The following PRKG1 variants were observed in gnomAD, a reference collection of about 807,000 sequenced individuals.
The protein encoded by PRKG1 is cGMP-dependent protein kinase 1.
A neutral mutation model predicts 88.1 loss-of-function variants in PRKG1; 35 were observed. The ratio of observed to expected loss-of-function variants is 0.40; its 90% CI spans 0.30 to 0.53. The LOEUF is 0.53. Among genes scored for constraint, PRKG1 ranks in the 20% least tolerant of loss-of-function variants. PRKG1 has a pLI of 0.59. For synonymous variants in PRKG1, 303 were observed against 292.5 expected (o/e 1.04, Z -0.37); for missense variants, 540 against 839.8 (o/e 0.64, Z 4.41).
chr10:52,090,495 G>A (rs1564464707), intron 7 of PRKG1, among the ~76,000 whole-genome samples: 1 of 150,086 alleles, frequency 6.7e-6, no homozygotes, highest in African/African-American at 2.5e-5. Flanking sequence ...ATTAATAAAT[G>A]TAGAAGAAAT....
chr10:51,781,383 T>C (rs761123496), intron 3 of PRKG1, among the ~76,000 whole-genome samples: 24 of 152,230 alleles, frequency 1.6e-4, no homozygotes, highest in Non-Finnish European at 2.6e-4. Flanking sequence ...GAAAGGCTGT[T>C]TCCCCAAAGG....
intron 3 of PRKG1, among the ~76,000 whole-genome samples, chr10:51,521,304 C>A (rs751376263): frequency 3.3e-5 from 5 of 152,080 alleles, no homozygotes; most frequent in Non-Finnish European, 7.4e-5. Flanking sequence ...AAACAAAAAA[C>A]TACAGTGCCT....
intron 5 of PRKG1, among the ~76,000 whole-genome samples, chr10:52,049,147 A>G (rs1845930219): frequency 6.6e-6 from 1 of 152,186 alleles, no homozygotes; most frequent in Non-Finnish European, 1.5e-5. Context: ...AAACCTTTGG[A>G]TAGCTTTCTA....
intron 3 of PRKG1, among the ~76,000 whole-genome samples, chr10:51,604,829 C>T (rs981834644): frequency 1.2e-4 from 18 of 152,204 alleles, no homozygotes; most frequent in Non-Finnish European, 2.5e-4. Context: ...GCGTGTGTTA[C>T]AGTGCGCTCT....
chr10:52,192,854 A>G (rs909359602), intron 9 of PRKG1, among the ~76,000 whole-genome samples: 1 of 152,216 alleles, frequency 6.6e-6, no homozygotes, highest in Non-Finnish European at 1.5e-5. Flanking sequence ...TTTAAAAAAC[A>G]TAGTAAGCTG....
intron 4 of PRKG1, among the ~76,000 whole-genome samples, chr10:51,833,670 C>T (rs1202284890): frequency 2.6e-5 from 4 of 152,128 alleles, no homozygotes; most frequent in Non-Finnish European, 5.9e-5. Flanking sequence ...TATCCATCAC[C>T]TCAAATATTT....
chr10:51,772,575 A>G (rs534990997), intron 3 of PRKG1, among the ~76,000 whole-genome samples: 17 of 152,018 alleles, frequency 1.1e-4, no homozygotes, highest in Non-Finnish European at 1.8e-4. Context: ...AGCCATGGTT[A>G]TTTCCTGGTG....
chr10:51,798,480 T>A (rs1279483851), intron 3 of PRKG1, among the ~76,000 whole-genome samples: 1 of 151,968 alleles, frequency 6.6e-6, no homozygotes, highest in Non-Finnish European at 1.5e-5. Flanking sequence ...AAAGGAAAAA[T>A]TTTTCCCAAA....
chr10:52,166,942 G>T (rs1002958752), intron 9 of PRKG1, among the ~76,000 whole-genome samples: 2 of 143,980 alleles, frequency 1.4e-5, no homozygotes, highest in African/African-American at 5.1e-5. Flanking sequence ...GATAGAGAAA[G>T]AAAATGAAAA....
chr10:51,281,275 G>C (rs537545337), intron 2 of PRKG1, among the ~76,000 whole-genome samples: 93 of 152,252 alleles, frequency 6.1e-4, no homozygotes, highest in Non-Finnish European at 1.2e-3. Context: ...TGCCCCTACT[G>C]GGGGGTGCCT....
intron 1 of PRKG1, among the ~76,000 whole-genome samples, chr10:50,994,041 G>A (rs1283206590): frequency 6.6e-6 from 1 of 152,144 alleles, no homozygotes; most frequent in Non-Finnish European, 1.5e-5. Flanking sequence ...TCCTCTCTGT[G>A]CTGATTTACA....
intron 7 of PRKG1, among the ~76,000 whole-genome samples, chr10:52,111,832 G>C (rs1847571420): frequency 6.6e-6 from 1 of 152,116 alleles, no homozygotes. Flanking sequence ...TTTGGGCTCT[G>C]TTTATCATCT....
intron 2 of PRKG1, among the ~76,000 whole-genome samples, chr10:51,462,533 G>T (rs895133289): frequency 1.3e-5 from 2 of 152,070 alleles, no homozygotes; most frequent in African/African-American, 4.8e-5. Flanking sequence ...ATCTTCCAAG[G>T]GTGGTATGTG....
chr10:51,428,305 G>A (rs149355832), intron 2 of PRKG1, among the ~76,000 whole-genome samples: 49 of 152,278 alleles, frequency 3.2e-4, no homozygotes, highest in African/African-American at 1.2e-3. Flanking sequence ...GCCTCAATGA[G>A]TTAACTCTTA....
At chr10:51,450,162 A>C (rs1178102176) in intron 2 of PRKG1, among the ~76,000 whole-genome samples, 1 of 150,516 alleles carries the variant, frequency 6.6e-6, no homozygotes, top group South Asian at 2.1e-4. Flanking sequence ...ATCCTTTTAT[A>C]TATTTTAAAC....
At chr10:51,991,855 T>C (rs1844316600) in intron 5 of PRKG1, among the ~76,000 whole-genome samples, 1 of 152,232 alleles carries the variant, frequency 6.6e-6, no homozygotes, top group South Asian at 2.1e-4. Flanking sequence ...GCATGTGTCT[T>C]TATAGCAGCA....
At chr10:52,283,768 G>T (rs1249837629) in intron 14 of PRKG1, among the ~76,000 whole-genome samples, 1 of 152,046 alleles carries the variant, frequency 6.6e-6, no homozygotes, top group Non-Finnish European at 1.5e-5. Context: ...ACATATGTGT[G>T]TGGATGGATA....
intron 9 of PRKG1, among the ~76,000 whole-genome samples, chr10:52,173,808 G>A (rs902031402): frequency 5.3e-5 from 8 of 152,110 alleles, no homozygotes; most frequent in Admixed American, 2.0e-4. Flanking sequence ...TACTAATTGA[G>A]CATACTGAAG....
At chr10:51,208,678 G>C (rs1838130662) in intron 2 of PRKG1, among the ~76,000 whole-genome samples, 1 of 152,200 alleles carries the variant, frequency 6.6e-6, no homozygotes, top group African/African-American at 2.4e-5. Context: ...AGAGTACAGA[G>C]GATGAAAGGG....
Sources: gnomAD v4.1 joint callset for allele counts (sites outside exome capture counted in the v4.1 genomes callset) on GRCh38, gnomAD v4.1.1 for gene constraint, MANE v1.5 for transcripts, NCBI Gene and HGNC (gene_info 2026-07-23, HGNC 2026-07-21) for gene names.